The following RFPL1 variants were observed in gnomAD, a reference collection of about 807,000 sequenced individuals.
RFPL1 encodes ret finger protein-like 1.
In RFPL1, 6 loss-of-function variants were observed where a neutral mutation model predicts 9.6. The observed-to-expected ratio is 0.62, with a 90% CI of 0.34 to 1.23. The LOEUF (loss-of-function observed/expected upper bound fraction) is 1.23. RFPL1 is among the 50% of genes most tolerant of loss of function. The pLI, the probability that RFPL1 is intolerant of heterozygous loss-of-function variation, is 0.03. For missense variants in RFPL1, 352 were observed against 398.4 expected, an observed-to-expected ratio of 0.88 and a Z score of 0.99; for synonymous variants, 145 against 149.4, an observed-to-expected ratio of 0.97 and a Z score of 0.22.
At chr22:29,422,648 C>T in the RFPL1 span, among the ~76,000 whole-genome samples, 3 of 152,060 alleles carry the variant, frequency 2.0e-5, no homozygotes, top group African/African-American at 7.2e-5. Context: ...GAAACTGAGG[C>T]AGGAGAATCA....
the RFPL1 span, among the ~76,000 whole-genome samples, chr22:29,425,099 G>C: frequency 6.6e-6 from 1 of 151,020 alleles, no homozygotes; most frequent in Non-Finnish European, 1.5e-5. Flanking sequence ...AGCTACTCGG[G>C]AGGCTGAGGC....
At chr22:29,394,987 C>T in the RFPL1 span, among the ~76,000 whole-genome samples, 1 of 152,212 alleles carries the variant, frequency 6.6e-6, no homozygotes, top group East Asian at 1.9e-4. Context: ...AAATGACCCA[C>T]TGTGACCCCT....
the RFPL1 span, among the ~76,000 whole-genome samples, chr22:29,398,590 C>T: frequency 6.6e-6 from 1 of 152,204 alleles, no homozygotes; most frequent in Non-Finnish European, 1.5e-5. Context: ...CCGTGTGACC[C>T]TGAGCAAGTC....
the RFPL1 span, among the ~76,000 whole-genome samples, chr22:29,432,108 T>C: frequency 1.3e-5 from 2 of 152,250 alleles, no homozygotes; most frequent in Non-Finnish European, 2.9e-5. Context: ...TGACTCTCTC[T>C]TAGCTAAGAA....
At chr22:29,415,619 A>G in the RFPL1 span, among the ~76,000 whole-genome samples, 2 of 152,256 alleles carry the variant, frequency 1.3e-5, no homozygotes, top group African/African-American at 4.8e-5. Context: ...TGAGCCACAG[A>G]CAAAACTCCT....
upstream of RFPL1, among the ~76,000 whole-genome samples, chr22:29,435,634 G>C (rs1352978888): frequency 6.6e-6 from 1 of 152,112 alleles, no homozygotes; most frequent in Non-Finnish European, 1.5e-5. Context: ...TTCTTGCTCA[G>C]ACACTGAATC....
chr22:29,437,518 A>G (rs571825899), upstream of RFPL1: 6 of 1,163,986 alleles, frequency 5.2e-6, no homozygotes, highest in African/African-American at 7.8e-5. Context: ...AGGATTTACT[A>G]AAGTTACAAT....
the RFPL1 span, among the ~76,000 whole-genome samples, chr22:29,395,535 G>A: frequency 6.6e-6 from 1 of 151,970 alleles, no homozygotes; most frequent in East Asian, 1.9e-4. Flanking sequence ...TGCTGCAGAT[G>A]TCCTCAGTGC....
the RFPL1 span, among the ~76,000 whole-genome samples, chr22:29,404,827 A>G: frequency 1.1e-4 from 17 of 152,194 alleles, 1 homozygote; most frequent in Non-Finnish European, 2.1e-4. Context: ...CCTTGGCTCA[A>G]ACAATCCTCC....
At chr22:29,403,358 C>T in the RFPL1 span, among the ~76,000 whole-genome samples, 2,199 of 151,432 alleles carry the variant, frequency 0.015, 43 homozygotes, top group African/African-American at 0.051. Context: ...GCTAAGGCCT[C>T]GTACACGTAG....
chr22:29,432,150 T>C, the RFPL1 span, among the ~76,000 whole-genome samples: 2 of 152,260 alleles, frequency 1.3e-5, no homozygotes, highest in South Asian at 4.1e-4. Flanking sequence ...CTCCTTCATT[T>C]GCAAGACATT....
the RFPL1 span, among the ~76,000 whole-genome samples, chr22:29,408,590 G>A: frequency 6.6e-6 from 1 of 152,304 alleles, no homozygotes; most frequent in South Asian, 2.1e-4. Flanking sequence ...TCTTTCTCTG[G>A]AAGAGAAATG....
At chr22:29,427,958 A>G in the RFPL1 span, among the ~76,000 whole-genome samples, 1 of 152,182 alleles carries the variant, frequency 6.6e-6, no homozygotes, top group African/African-American at 2.4e-5. Flanking sequence ...TATGGTATAT[A>G]AGCCCTAGAG....
chr22:29,410,430 G>A, the RFPL1 span, among the ~76,000 whole-genome samples: 64 of 75,822 alleles, frequency 8.4e-4, 1 homozygote, highest in African/African-American at 3.3e-3. Context: ...TATATATATT[G>A]TAGATATATA....
At chr22:29,419,152 C>T in the RFPL1 span, 65 of 1,609,636 alleles carry the variant, frequency 4.0e-5, 1 homozygote, top group Non-Finnish European at 5.3e-5. Flanking sequence ...TACTCCTACA[C>T]ACCTGACATC....
At chr22:29,430,885 A>G in the RFPL1 span, among the ~76,000 whole-genome samples, 2 of 152,202 alleles carry the variant, frequency 1.3e-5, no homozygotes, top group Non-Finnish European at 2.9e-5. Flanking sequence ...CAACACCCAT[A>G]ATATACATGG....
the RFPL1 span, among the ~76,000 whole-genome samples, chr22:29,413,024 C>G: frequency 6.6e-6 from 1 of 152,038 alleles, no homozygotes; most frequent in African/African-American, 2.4e-5. Context: ...GTGACTGGCC[C>G]TTATGCAGAT....
the RFPL1 span, among the ~76,000 whole-genome samples, chr22:29,419,796 C>G: frequency 2.8e-5 from 4 of 142,630 alleles, 1 homozygote; most frequent in African/African-American, 1.0e-4. Flanking sequence ...GTGAGATCCT[C>G]TCTCCAAAAA....
At chr22:29,388,749 A>G in the RFPL1 span, among the ~76,000 whole-genome samples, 1 of 152,210 alleles carries the variant, frequency 6.6e-6, no homozygotes, top group South Asian at 2.1e-4. Flanking sequence ...TTGGGAAACC[A>G]TCCCGCTAGC....
Sources: allele counts gnomAD v4.1 joint callset (sites outside exome capture counted in the v4.1 genomes callset), GRCh38; gene constraint gnomAD v4.1.1; transcripts MANE v1.5; gene names NCBI Gene and HGNC (gene_info 2026-07-23, HGNC 2026-07-21).